The following ZYG11A variants were observed in gnomAD, a reference collection of about 807,000 sequenced individuals.
ZYG11A encodes zyg-11 family member A, cell cycle regulator.
Under a neutral mutation model 77.2 loss-of-function variants are expected in ZYG11A, and 62 were observed. That is an observed-to-expected ratio of 0.80 (90% CI 0.65 to 0.99). ZYG11A has a LOEUF of 0.99. ZYG11A is among the 50% of genes least tolerant of loss of function. The probability of loss-of-function intolerance (pLI) is 0.00; values close to 1 mark genes in which losing one functional copy is unlikely to be tolerated. For synonymous variants in ZYG11A, 315 were observed against 324.6 expected (o/e 0.97, Z 0.32); for missense variants, 828 against 896.8 (o/e 0.92, Z 0.98).
intron 1 of ZYG11A, among the ~76,000 whole-genome samples, chr1:52,854,071 A>G (rs1296759973): frequency 6.6e-6 from 1 of 152,206 alleles, no homozygotes; most frequent in Non-Finnish European, 1.5e-5. Flanking sequence ...TTATGTAAAC[A>G]ATACAGTATA....
Position 52,877,777 on chromosome 1 carries a change from G to T in ZYG11A, c.1638G>T (p.Gly546=). The T allele has an allele frequency of 6.4e-7, 1 of 1,551,822 alleles. No individual in the cohort carries two copies. Among genetic ancestry groups the T allele is most frequent in the Non-Finnish European group, 8.7e-7 (1 of 1,147,010 alleles). Residue 546 remains glycine (G), a synonymous_variant, in exon 9 of 14, where the codon GGG becomes GGT. Transcript: ENST00000371528. ...TLKALWNLTD[G]SPAACKHFIE... is the part of the protein sequence containing the mutation. ...AAGCACTTTGGAATCTTACAGATGG[G>T]TCTCCAGCTGCCTGCAAGCACTTCA...
At chr1:52,855,015 C>G (rs1645783498) in intron 2 of ZYG11A, among the ~76,000 whole-genome samples, 2 of 152,072 alleles carry the variant, frequency 1.3e-5, no homozygotes, top group African/African-American at 4.8e-5. Context: ...CAGGCGCCCA[C>G]CACACCTGGC....
intron 5 of ZYG11A, among the ~76,000 whole-genome samples, chr1:52,865,060 A>T (rs1646000258): frequency 6.6e-6 from 1 of 151,906 alleles, no homozygotes. Context: ...CTCCTGCCTC[A>T]GCCTCCTGAG....
intron 1 of ZYG11A, among the ~76,000 whole-genome samples, chr1:52,849,840 G>A (rs1645673541): frequency 6.6e-6 from 1 of 151,280 alleles, no homozygotes; most frequent in South Asian, 2.1e-4. Flanking sequence ...CGGCCACCAC[G>A]CCCAGCTAAT....
intron 8 of ZYG11A, among the ~76,000 whole-genome samples, chr1:52,872,705 A>T (rs1210630594): frequency 6.6e-6 from 1 of 150,496 alleles, no homozygotes; most frequent in Non-Finnish European, 1.5e-5. Flanking sequence ...ACATGGTGAA[A>T]CCCCGTCTCT....
chr1:52,869,401 G>A (rs1646095554), intron 8 of ZYG11A, among the ~76,000 whole-genome samples: 2 of 151,708 alleles, frequency 1.3e-5, no homozygotes, highest in Admixed American at 1.3e-4. Flanking sequence ...GCCTTCCGCA[G>A]TGTTTGTGTC....
At chr1:52,880,066 CTTTTTTT>C (rs10682296) in intron 10 of ZYG11A, among the ~76,000 whole-genome samples, 4 of 110,132 alleles carry the variant, frequency 3.6e-5, no homozygotes, top group Non-Finnish European at 7.0e-5. Context: ...ACCCAGCCCA[CTTTTTTT>C]TTTTTTTTTT....
At chr1:52,879,276 T>C (rs927250482) in intron 10 of ZYG11A, among the ~76,000 whole-genome samples, 4 of 152,186 alleles carry the variant, frequency 2.6e-5, no homozygotes, top group African/African-American at 9.7e-5. Flanking sequence ...CTCATAACTT[T>C]GGGAAGGCAG....
At chr1:52,879,264 T>C (rs1462687205) in intron 10 of ZYG11A, among the ~76,000 whole-genome samples, 1 of 152,178 alleles carries the variant, frequency 6.6e-6, no homozygotes, top group Non-Finnish European at 1.5e-5. Context: ...AAGGTGATGG[T>C]GCTCATAACT....
At chr1:52,878,108 A>C in intron 10 of ZYG11A, 139 bp downstream of exon 10, 1 of 715,792 alleles carries the variant, frequency 1.4e-6, no homozygotes, top group Non-Finnish European at 2.3e-6. Context: ...AGCCCTACAG[A>C]GTAAATACTA....
chr1:52,889,310 A>G (rs963582997), intron 13 of ZYG11A, among the ~76,000 whole-genome samples: 6 of 152,032 alleles, frequency 3.9e-5, no homozygotes, highest in African/African-American at 1.5e-4. Flanking sequence ...TTCTCCCCAA[A>G]AAGAGCAACC....
At chr1:52,843,009 G>C (rs1011038462) in intron 1 of ZYG11A, 36 bp downstream of exon 1, 9 of 1,486,996 alleles carry the variant, frequency 6.1e-6, no homozygotes, top group Non-Finnish European at 6.3e-6. Context: ...CGCGGACCTC[G>C]GCGCCACGTC....
chr1:52,864,298 T>C, intron 5 of ZYG11A, 141 bp downstream of exon 5: 2 of 836,868 alleles, frequency 2.4e-6, no homozygotes, highest in South Asian at 3.6e-5. Flanking sequence ...CAGGCTGGAG[T>C]GCGGTGGCAC....
At chr1:52,853,047 A>G (rs1645743218) in intron 1 of ZYG11A, among the ~76,000 whole-genome samples, 1 of 152,240 alleles carries the variant, frequency 6.6e-6, no homozygotes, top group African/African-American at 2.4e-5. Flanking sequence ...CAACAGGGTC[A>G]CCAGTTGCTC....
chr1:52,885,706 TTA>T (rs1646438459), intron 11 of ZYG11A, 125 bp from the exon 12 acceptor site: 3 of 658,606 alleles, frequency 4.6e-6, no homozygotes, highest in Non-Finnish European at 5.3e-6. Flanking sequence ...TATATAATCG[TTA>T]TGTGATTGAT....
chr1:52,891,482 C>T (rs1037080445), intron 13 of ZYG11A, among the ~76,000 whole-genome samples: 1 of 151,664 alleles, frequency 6.6e-6, no homozygotes, highest in African/African-American at 2.4e-5. Context: ...GTGAAGTGCT[C>T]CAGAGGTTTC....
intron 1 of ZYG11A, among the ~76,000 whole-genome samples, chr1:52,848,553 G>C (rs1229713882): frequency 6.6e-6 from 1 of 152,090 alleles, no homozygotes; most frequent in African/African-American, 2.4e-5. Flanking sequence ...GCCCAGGCCA[G>C]TCTTGAGCTC....
Position 52,854,520 on chromosome 1 carries a change from A to G in ZYG11A, c.146A>G (p.Asn49Ser). The change falls in exon 2 of 14, where the codon AAC becomes AGC. Residue 49 changes from asparagine (N) to serine (S), a missense_variant. Coordinates refer to ENST00000371528, the MANE Select transcript of ZYG11A (RefSeq NM_001004339.3). Reference protein sequence around the residue: ...VNICLNVLIANLEKLCSERPD... With the variant: ...VNICLNVLIASLEKLCSERPD... Reference sequence around the variant, plus strand: ...ATCTGCCTGAATGTCCTGATTGCTAACCTGGAGAAATTGTGTTCTGAAAGA... The same window carrying G: ...ATCTGCCTGAATGTCCTGATTGCTAGCCTGGAGAAATTGTGTTCTGAAAGA... The G allele has an allele frequency of 6.4e-7, 1 of 1,551,702 alleles. No individual in the cohort carries two copies. Among genetic ancestry groups the G allele is most frequent in the Non-Finnish European group, 8.7e-7 (1 of 1,146,750 alleles).
At chr1:52,880,422 T>C (rs1412299784) in intron 10 of ZYG11A, among the ~76,000 whole-genome samples, 1 of 152,170 alleles carries the variant, frequency 6.6e-6, no homozygotes, top group African/African-American at 2.4e-5. Context: ...TGGTTTTTCA[T>C]TTTTGTAGAC....
Sources: allele counts gnomAD v4.1 joint callset (sites outside exome capture counted in the v4.1 genomes callset), GRCh38; gene constraint gnomAD v4.1.1; transcripts MANE v1.5; gene names NCBI Gene and HGNC (gene_info 2026-07-23, HGNC 2026-07-21).